Variants in KHDC1 observed in about 807,000 individuals in gnomAD.
KHDC1 encodes KH homology domain-containing protein 1.
KHDC1 carries 21 observed loss-of-function variants against 24.7 expected under a neutral mutation model. That is an observed-to-expected ratio of 0.85 (90% confidence interval 0.60 to 1.23). The LOEUF is 1.23. KHDC1 is among the 50% of genes most tolerant of loss of function. The pLI, the probability that KHDC1 is intolerant of heterozygous loss-of-function variation, is 0.00. For synonymous variants in KHDC1, 98 were observed against 111.7 expected (o/e 0.88, Z 0.77); for missense variants, 274 against 298.5 (o/e 0.92, Z 0.61).
intron 1 of KHDC1, among the ~76,000 whole-genome samples, chr6:73,294,806 G>C (rs938805751): frequency 6.6e-6 from 1 of 152,098 alleles, no homozygotes; most frequent in Non-Finnish European, 1.5e-5. Flanking sequence ...TCTCATGAAT[G>C]GTTTAGCACC....
At chr6:73,306,975 C>T (rs139147179) in intron 1 of KHDC1, among the ~76,000 whole-genome samples, 37 of 152,306 alleles carry the variant, frequency 2.4e-4, no homozygotes, top group Middle Eastern at 3.4e-3. Context: ...TGCCACTGCA[C>T]TCCAGCCTGG....
chr6:73,303,334 G>A (rs1355772000), intron 1 of KHDC1, among the ~76,000 whole-genome samples: 1 of 151,954 alleles, frequency 6.6e-6, no homozygotes, highest in Non-Finnish European at 1.5e-5. Context: ...AAATGCAGAA[G>A]GAATGAGAGA....
chr6:73,301,701 A>G (rs1767879238), intron 1 of KHDC1, among the ~76,000 whole-genome samples: 1 of 152,072 alleles, frequency 6.6e-6, no homozygotes, highest in Non-Finnish European at 1.5e-5. Context: ...GCACAATCAC[A>G]GCTCACTGCA....
intron 2 of KHDC1, among the ~76,000 whole-genome samples, chr6:73,255,928 G>A (rs1030502045): frequency 2.7e-5 from 4 of 150,726 alleles, no homozygotes; most frequent in African/African-American, 4.9e-5. Context: ...AAAAAAAGAG[G>A]TCAGACTCCT....
intron 2 of KHDC1, among the ~76,000 whole-genome samples, chr6:73,276,911 G>A (rs548375708): frequency 6.6e-6 from 1 of 152,156 alleles, no homozygotes; most frequent in Non-Finnish European, 1.5e-5. Flanking sequence ...GGTATCGATT[G>A]ACAAGAAAGC....
intron 2 of KHDC1, among the ~76,000 whole-genome samples, chr6:73,280,514 CTTTTTTTTTTT>C (rs55832102): frequency 8.5e-6 from 1 of 117,462 alleles, no homozygotes. Flanking sequence ...TCTTTAATTT[CTTTTTTTTTTT>C]TTTTTTTTTG....
At chr6:73,292,993 C>T in intron 1 of KHDC1, 1 of 963,278 alleles carries the variant, frequency 1.0e-6, no homozygotes, top group Admixed American at 1.8e-5. Context: ...ACCAGTGTAT[C>T]AGCATTAACA....
At chr6:73,251,337 AGAAAGTCTGC>A (rs1313748829) in intron 2 of KHDC1, among the ~76,000 whole-genome samples, 3 of 152,200 alleles carry the variant, frequency 2.0e-5, no homozygotes, top group Non-Finnish European at 2.9e-5. Context: ...AACTAGTATG[AGAAAGTCTGC>A]AGTGATATTT....
chr6:73,272,338 G>T (rs970212719), intron 2 of KHDC1, among the ~76,000 whole-genome samples: 23 of 150,992 alleles, frequency 1.5e-4, no homozygotes, highest in African/African-American at 5.4e-4. Context: ...TCACCATGTT[G>T]TCTAAGCTGG....
At chr6:73,276,748 T>C (rs1373902302) in intron 2 of KHDC1, among the ~76,000 whole-genome samples, 1 of 152,232 alleles carries the variant, frequency 6.6e-6, no homozygotes, top group Non-Finnish European at 1.5e-5. Flanking sequence ...TCCGAGGCCC[T>C]GTCTGAATCC....
At chr6:73,247,492 T>C (rs907097703) in intron 2 of KHDC1, among the ~76,000 whole-genome samples, 3 of 152,156 alleles carry the variant, frequency 2.0e-5, no homozygotes, top group Non-Finnish European at 4.4e-5. Context: ...CTGAGGCTGC[T>C]CCCTGGGTAA....
At chr6:73,285,967 A>G (rs187743667) in intron 2 of KHDC1, among the ~76,000 whole-genome samples, 64 of 152,260 alleles carry the variant, frequency 4.2e-4, no homozygotes, top group African/African-American at 1.4e-3. Context: ...CCTTTATGCT[A>G]GTTTCCAAAG....
chr6:73,266,954 T>C (rs1421652264), intron 2 of KHDC1, among the ~76,000 whole-genome samples: 1 of 152,208 alleles, frequency 6.6e-6, no homozygotes, highest in Non-Finnish European at 1.5e-5. Context: ...TTCAGGAGGC[T>C]GAGGCAGGAG....
chr6:73,274,229 G>C (rs374616097), intron 2 of KHDC1: 1 of 152,094 alleles, frequency 6.6e-6, no homozygotes, highest in African/African-American at 2.4e-5. Context: ...AAACAAAAAA[G>C]AATGGCATCA....
At chr6:73,307,257 G>A (rs1013436903) in intron 1 of KHDC1, among the ~76,000 whole-genome samples, 6 of 151,756 alleles carry the variant, frequency 4.0e-5, no homozygotes, top group Non-Finnish European at 5.9e-5. Flanking sequence ...GTGAAACCCC[G>A]TCTCTATTAA....
Position 73,242,254 on chromosome 6 carries a change from T to G in KHDC1, c.332-17A>C, listed in dbSNP as rs111448243. ...CACCATGCCCTGTGAGCATAAGAGG[T>G]GAGAGGAGGTTCTGTCAAGCACCAG... On this transcript the variant is annotated splice_polypyrimidine_tract_variant and intron_variant, in intron 3 of 4. Coordinates refer to ENST00000370384, the Ensembl canonical transcript of KHDC1. 3.7e-6 allele frequency: 6 copies of G among 1,609,248 alleles called. No individual in the cohort carries two copies. Among genetic ancestry groups the G allele is most frequent in the Non-Finnish European group, 3.4e-6 (4 of 1,177,826 alleles).
chr6:73,285,622 CTG>C (rs1491194934), intron 2 of KHDC1, among the ~76,000 whole-genome samples: 4 of 151,540 alleles, frequency 2.6e-5, no homozygotes, highest in African/African-American at 9.7e-5. Context: ...GCCTGAGTCA[CTG>C]TGCCCGGCCC....
At chr6:73,254,732 G>C (rs1245328583) in intron 2 of KHDC1, among the ~76,000 whole-genome samples, 1 of 152,080 alleles carries the variant, frequency 6.6e-6, no homozygotes, top group Non-Finnish European at 1.5e-5. Flanking sequence ...GCCAGGAGCG[G>C]TGGCTCATGC....
At chr6:73,254,918 C>T (rs889447654) in intron 2 of KHDC1, among the ~76,000 whole-genome samples, 1 of 151,730 alleles carries the variant, frequency 6.6e-6, no homozygotes, top group African/African-American at 2.4e-5. Flanking sequence ...AGGAGAATGG[C>T]GTGGCCCCGG....
Sources: allele counts gnomAD v4.1 joint callset (sites outside exome capture counted in the v4.1 genomes callset), GRCh38; gene constraint gnomAD v4.1.1; transcripts MANE v1.5; gene names NCBI Gene and HGNC (gene_info 2026-07-23, HGNC 2026-07-21).